PLAAT2: variants seen among roughly 807,000 people sequenced by gnomAD.
PLAAT2 encodes phospholipase A and acyltransferase 2.
In PLAAT2, 12 loss-of-function variants were observed where a neutral mutation model predicts 12.8. That is an observed-to-expected ratio of 0.94 (90% CI 0.60 to 1.52). The LOEUF (loss-of-function observed/expected upper bound fraction) is 1.52, where lower values mean the gene tolerates loss of function less well. Among genes scored for constraint, PLAAT2 ranks in the 40% most tolerant of loss-of-function variants. The pLI, the probability that PLAAT2 is intolerant of heterozygous loss-of-function variation, is 0.00. For missense variants in PLAAT2, 166 were observed against 208.1 expected (o/e 0.80, Z 1.24); for synonymous variants, 79 against 86.8 (o/e 0.91, Z 0.50).
intron 1 of PLAAT2, among the ~76,000 whole-genome samples, chr11:63,560,482 G>A (rs2017509316): frequency 6.6e-6 from 1 of 152,228 alleles, no homozygotes; most frequent in Non-Finnish European, 1.5e-5. Context: ...ATGTGCCCAG[G>A]CTGAGTGTGA....
intron 1 of PLAAT2, among the ~76,000 whole-genome samples, chr11:63,561,913 A>T (rs984288086): frequency 6.6e-6 from 1 of 152,180 alleles, no homozygotes; most frequent in African/African-American, 2.4e-5. Flanking sequence ...AACACATCAA[A>T]TATGTTAAAA....
chr11:63,554,045 G>A (rs2134367576), intron 3 of PLAAT2, among the ~76,000 whole-genome samples: 1 of 152,152 alleles, frequency 6.6e-6, no homozygotes, highest in African/African-American at 2.4e-5. Context: ...CCGAGGGTTG[G>A]TGTGCTCGGC....
intron 3 of PLAAT2, among the ~76,000 whole-genome samples, chr11:63,555,084 T>C (rs1316595180): frequency 6.6e-6 from 1 of 152,172 alleles, no homozygotes; most frequent in Non-Finnish European, 1.5e-5. Context: ...GATTAGTCCC[T>C]GAATATGCGA....
intron 3 of PLAAT2, among the ~76,000 whole-genome samples, chr11:63,553,447 C>A (rs1178636303): frequency 1.3e-5 from 2 of 150,840 alleles, no homozygotes; most frequent in East Asian, 3.9e-4. Flanking sequence ...CAAGACCAGC[C>A]TAGGCAACAT....
At chr11:63,564,709 C>T (rs1228339471), upstream of PLAAT2, among the ~76,000 whole-genome samples, 1 of 152,204 alleles carries the variant, frequency 6.6e-6, no homozygotes, top group East Asian at 1.9e-4. Context: ...GGCTAATTAT[C>T]TCCTGCCCCA....
At chr11:63,554,335 G>T (rs2017446236) in intron 3 of PLAAT2, among the ~76,000 whole-genome samples, 5 of 152,052 alleles carry the variant, frequency 3.3e-5, no homozygotes, top group Admixed American at 3.3e-4. Context: ...ACAGTGTAAA[G>T]AACTCACGCA....
At chr11:63,561,644 CAAAAAAA>C (rs61140464) in intron 1 of PLAAT2, among the ~76,000 whole-genome samples, 8 of 35,996 alleles carry the variant, frequency 2.2e-4, no homozygotes, top group Middle Eastern at 0.023. Flanking sequence ...GACTCCATCA[CAAAAAAA>C]AAAAAAAAAA....
chr11:63,563,759 T>C (rs1001709402), upstream of PLAAT2, among the ~76,000 whole-genome samples: 1 of 144,612 alleles, frequency 6.9e-6, no homozygotes, highest in Admixed American at 6.9e-5. Flanking sequence ...TCAAGGTTCA[T>C]GTAAAATTTT....
At chr11:63,560,270 C>T (rs2017507242) in intron 1 of PLAAT2, 77 bp from the exon 2 acceptor site, 3 of 1,003,636 alleles carry the variant, frequency 3.0e-6, no homozygotes, top group Non-Finnish European at 4.6e-6. Flanking sequence ...TGCAAGGAGC[C>T]CCAGCTCAGC....
upstream of PLAAT2, among the ~76,000 whole-genome samples, chr11:63,564,350 G>C (rs751716253): frequency 6.7e-6 from 1 of 149,726 alleles, no homozygotes; most frequent in Non-Finnish European, 1.5e-5. Context: ...ATAGTTGTCC[G>C]GTCCTGAGCA....
chr11:63,562,303 G>A (rs2017526118), intron 1 of PLAAT2, among the ~76,000 whole-genome samples: 1 of 152,104 alleles, frequency 6.6e-6, no homozygotes, highest in Admixed American at 6.5e-5. Flanking sequence ...GGAGTGCAGT[G>A]GCACTATCAC....
intron 3 of PLAAT2, among the ~76,000 whole-genome samples, chr11:63,555,862 C>T (rs891901879): frequency 2.6e-5 from 4 of 152,206 alleles, no homozygotes; most frequent in Non-Finnish European, 5.9e-5. Context: ...ATGACTGTAT[C>T]TATGTTTCAA....
At chr11:63,559,758 A>G (rs2017501162) in intron 2 of PLAAT2, among the ~76,000 whole-genome samples, 1 of 152,060 alleles carries the variant, frequency 6.6e-6, no homozygotes, top group African/African-American at 2.4e-5. Context: ...CGCTATCTGA[A>G]GGAAGCAACT....
At chr11:63,564,402 C>T (rs2017545830), upstream of PLAAT2, among the ~76,000 whole-genome samples, 1 of 152,104 alleles carries the variant, frequency 6.6e-6, no homozygotes, top group Non-Finnish European at 1.5e-5. Flanking sequence ...GGGAGCTGAG[C>T]ATCCTCACTG....
chr11:63,565,028 G>A (rs991659004), upstream of PLAAT2, among the ~76,000 whole-genome samples: 3 of 152,094 alleles, frequency 2.0e-5, no homozygotes, highest in Non-Finnish European at 2.9e-5. Context: ...ATGTCCAGGA[G>A]CTATAGGAAA....
chr11:63,558,982 A>C (rs2017494261), intron 2 of PLAAT2, among the ~76,000 whole-genome samples: 1 of 152,230 alleles, frequency 6.6e-6, no homozygotes, highest in African/African-American at 2.4e-5. Context: ...CCCAGGCCAT[A>C]GTCCCAACTG....
intron 3 of PLAAT2, among the ~76,000 whole-genome samples, chr11:63,555,594 A>T (rs1237201357): frequency 6.6e-6 from 1 of 152,192 alleles, no homozygotes; most frequent in African/African-American, 2.4e-5. Context: ...CAGGAGGCTG[A>T]GGTGGGAGGA....
At chr11:63,556,864 C>G (rs560078171) in intron 3 of PLAAT2, among the ~76,000 whole-genome samples, 2 of 152,192 alleles carry the variant, frequency 1.3e-5, no homozygotes, top group African/African-American at 4.8e-5. Flanking sequence ...GCAACCACGT[C>G]GAGGCTCCTG....
intron 1 of PLAAT2, among the ~76,000 whole-genome samples, 158 bp from the exon 2 acceptor site, chr11:63,560,351 C>T (rs1393968183): frequency 2.0e-5 from 3 of 152,222 alleles, no homozygotes; most frequent in Non-Finnish European, 4.4e-5. Flanking sequence ...ATGTAGGAAG[C>T]ACCTTCATTT....
Sources: gnomAD v4.1 joint callset for allele counts (sites outside exome capture counted in the v4.1 genomes callset) on GRCh38, gnomAD v4.1.1 for gene constraint, MANE v1.5 for transcripts, NCBI Gene and HGNC (gene_info 2026-07-23, HGNC 2026-07-21) for gene names.